TMCC1: variants seen among roughly 807,000 people sequenced by gnomAD.
TMCC1 encodes the protein transmembrane and coiled-coil domains protein 1.
Under a neutral mutation model 52.4 loss-of-function variants are expected in TMCC1, and 15 were observed. That is an observed-to-expected ratio of 0.29 (90% CI 0.19 to 0.44). TMCC1 has a LOEUF of 0.44. TMCC1 is among the 20% of genes least tolerant of loss of function. The probability of loss-of-function intolerance (pLI) is 1.00; values close to 1 mark genes in which losing one functional copy is unlikely to be tolerated. For synonymous variants in TMCC1, 279 were observed against 301.9 expected, an observed-to-expected ratio of 0.92 and a Z score of 0.79; for missense variants, 503 against 806.0, an observed-to-expected ratio of 0.62 and a Z score of 4.55.
intron 4 of TMCC1, among the ~76,000 whole-genome samples, chr3:129,806,801 A>G (rs1322862719): frequency 2.0e-5 from 3 of 152,146 alleles, no homozygotes; most frequent in African/African-American, 7.2e-5. Flanking sequence ...CACTCAGGAA[A>G]TTAAAAACAT....
At chr3:129,711,069 G>A (rs2108996215) in intron 4 of TMCC1, among the ~76,000 whole-genome samples, 1 of 152,190 alleles carries the variant, frequency 6.6e-6, no homozygotes, top group South Asian at 2.1e-4. Flanking sequence ...TTACCATGTT[G>A]GCCAGGCTGG....
intron 4 of TMCC1, among the ~76,000 whole-genome samples, chr3:129,760,454 CTGTG>C (rs61394124): frequency 0.086 from 11,148 of 128,932 alleles, 657 homozygotes; most frequent in African/African-American, 0.13. Flanking sequence ...CAGTCTCGCT[CTGTG>C]TGTGTGTGTG....
At chr3:129,806,362 G>A (rs998302400) in intron 4 of TMCC1, among the ~76,000 whole-genome samples, 1 of 152,212 alleles carries the variant, frequency 6.6e-6, no homozygotes, top group Non-Finnish European at 1.5e-5. Flanking sequence ...TAAGCCAACA[G>A]ATGAGAATTT....
intron 4 of TMCC1, among the ~76,000 whole-genome samples, chr3:129,722,408 C>T (rs2049693012): frequency 6.6e-6 from 1 of 152,056 alleles, no homozygotes; most frequent in Admixed American, 6.6e-5. Flanking sequence ...CCACAGACAC[C>T]CCGACCCCAT....
intron 4 of TMCC1, among the ~76,000 whole-genome samples, chr3:129,768,856 G>A (rs984155686): frequency 1.3e-5 from 2 of 152,168 alleles, no homozygotes; most frequent in African/African-American, 4.8e-5. Flanking sequence ...GACAAAAAGA[G>A]CTGTAGTATG....
At chr3:129,891,297 C>G (rs1372827813) in intron 1 of TMCC1, among the ~76,000 whole-genome samples, 1 of 152,186 alleles carries the variant, frequency 6.6e-6, no homozygotes, top group Non-Finnish European at 1.5e-5. Context: ...AATCTATAGG[C>G]CAAATCCACC....
chr3:129,723,921 T>TC (rs1365975002), intron 4 of TMCC1, among the ~76,000 whole-genome samples: 1 of 151,410 alleles, frequency 6.6e-6, no homozygotes, highest in East Asian at 1.9e-4. Context: ...GATTTTTTTT[T>TC]TTTTTTTTTT....
In TMCC1 at chr3:129,697,866, A is replaced by C. The variant is rs148789745; in HGVS notation, c.577-26602T>G. Reference sequence around the variant, plus strand: ...CATCGCAGCCCGGACTTTATTGTCCATATCACTATCAGCATTTTGGTCAAA... The same window carrying C: ...CATCGCAGCCCGGACTTTATTGTCCCTATCACTATCAGCATTTTGGTCAAA... On this transcript the variant is annotated intron_variant, in intron 4 of 6. Transcript: ENST00000393238. 6.4e-3 allele frequency among the ~76,000 whole-genome samples: 976 copies of C among 152,266 alleles called. 11 individuals carry two copies. The highest frequency in any genetic ancestry group is 9.2e-3 in the Non-Finnish European group (623 of 68,010).
At chr3:129,885,114 G>A (rs2061632697) in intron 1 of TMCC1, among the ~76,000 whole-genome samples, 1 of 151,918 alleles carries the variant, frequency 6.6e-6, no homozygotes, top group Admixed American at 6.6e-5. Flanking sequence ...ACTCCAGCCT[G>A]GGTGACAAAG....
intron 4 of TMCC1, among the ~76,000 whole-genome samples, chr3:129,791,088 ATTTTT>A (rs34048545): frequency 4.8e-5 from 4 of 82,976 alleles, no homozygotes; most frequent in South Asian, 9.0e-4. Context: ...ACACTCCATA[ATTTTT>A]TTTTTTTTTT....
At chr3:129,875,507 A>C (rs1213832010) in intron 2 of TMCC1, among the ~76,000 whole-genome samples, 4 of 150,536 alleles carry the variant, frequency 2.7e-5, no homozygotes, top group Admixed American at 6.6e-5. Flanking sequence ...AAAAAAAAAA[A>C]AAAAAAAAAC....
intron 4 of TMCC1, among the ~76,000 whole-genome samples, chr3:129,751,212 A>G (rs1042856044): frequency 2.7e-5 from 4 of 150,542 alleles, no homozygotes; most frequent in African/African-American, 9.8e-5. Context: ...AAAACAAAAC[A>G]AAACAAAAAT....
At chr3:129,715,167 A>C (rs2048979237) in intron 4 of TMCC1, among the ~76,000 whole-genome samples, 1 of 152,132 alleles carries the variant, frequency 6.6e-6, no homozygotes, top group Admixed American at 6.5e-5. Context: ...TGAAGATGAC[A>C]ATTACAGTAA....
In TMCC1 at chr3:129,651,380, CT is replaced by C; in HGVS notation, c.*100del. The C allele has an allele frequency of 5.5e-6, 7 of 1,275,362 alleles. No individual in the cohort carries two copies. Among genetic ancestry groups the C allele is most frequent in the South Asian group, 1.5e-5 (1 of 65,074 alleles). The allele number at this position is 1,275,362 out of a possible 1,614,324, so 79.0% of individuals were successfully genotyped here. A position where few individuals can be genotyped will look rare whatever the true frequency, so the allele number is the denominator to read the frequency against. ...TAAATGTAAACAGATTCACTCAACT[CT>C]TTTTTTGTTGTAGAAAACTTCAGAG... On this transcript the variant is annotated 3_prime_UTR_variant, in exon 7 of 7. Coordinates refer to ENST00000393238, the MANE Select transcript of TMCC1 (RefSeq NM_001017395.5). The surrounding 1 kb of genome is among the most constrained non-coding windows in gnomAD (Gnocchi z 5.1).
At position 129,828,169 on chromosome 3, in the gene TMCC1, C is replaced by T. The variant is rs1290357711; in HGVS notation, c.210G>A (p.Val70=). ...GTTCTGGATCTGCCTGAATTTGCTG[C>T]ACATCATGTGGAGACACTGATGACC... is the stretch of plus-strand genomic sequence containing the variant. ...RRRSSVSPHD[V]QQIQADPEPE... is the part of the protein sequence containing the mutation. Residue 70 remains valine (V), a synonymous_variant, in exon 4 of 7, where the codon GTG becomes GTA. Coordinates refer to ENST00000393238, the MANE Select transcript of TMCC1 (RefSeq NM_001017395.5). The surrounding 1 kb of genome is among the most constrained non-coding windows in gnomAD (Gnocchi z 4.1). The T allele has an allele frequency of 6.2e-7, 1 of 1,614,134 alleles. No homozygotes were observed. The highest frequency in any genetic ancestry group is 1.7e-5 in the Admixed American group (1 of 60,004).
At chr3:129,875,179 TC>T (rs1339656380) in intron 2 of TMCC1, among the ~76,000 whole-genome samples, 2 of 151,018 alleles carry the variant, frequency 1.3e-5, no homozygotes, top group African/African-American at 4.9e-5. Flanking sequence ...ACAGCAAGAT[TC>T]CATTGCTATT....
chr3:129,710,728 A>T (rs2108995433), intron 4 of TMCC1, among the ~76,000 whole-genome samples: 1 of 152,342 alleles, frequency 6.6e-6, no homozygotes, highest in East Asian at 1.9e-4. Context: ...AATTATATAC[A>T]GGTCAGCAAC....
At chr3:129,799,140 T>A (rs2057028822) in intron 4 of TMCC1, among the ~76,000 whole-genome samples, 1 of 152,202 alleles carries the variant, frequency 6.6e-6, no homozygotes, top group South Asian at 2.1e-4. Context: ...GAGGGTTGAT[T>A]TAAAGGGCAG....
chr3:129,828,025 C>T lies in TMCC1; in HGVS notation c.354G>A (p.Gly118=). The T allele has an allele frequency of 6.2e-7, 1 of 1,614,136 alleles. No homozygotes were observed. The highest frequency in any genetic ancestry group is 8.5e-7 in the Non-Finnish European group (1 of 1,180,010). Residue 118 remains glycine, a synonymous_variant, in exon 4 of 7, where the codon GGG becomes GGA. Transcript: ENST00000393238. The surrounding 1 kb of genome is among the most constrained non-coding windows in gnomAD (Gnocchi z 4.1). ...QIRVPPKMKR[G]TSLHSRRGKP... is the part of the protein sequence containing the mutation. ...TGCCCCGCCTACTATGCAAGCTTGT[C>T]CCTCTCTTCATCTTGGGTGGCACTC... is the stretch of plus-strand genomic sequence containing the variant.
Sources: gnomAD v4.1 joint callset for allele counts (sites outside exome capture counted in the v4.1 genomes callset) on GRCh38, gnomAD v4.1.1 for gene constraint, Gnocchi (gnomAD v3.1) non-coding constraint, MANE v1.5 for transcripts, NCBI Gene and HGNC (gene_info 2026-07-23, HGNC 2026-07-21) for gene names.